Variants in ATRNL1 observed in about 807,000 individuals in gnomAD.
ATRNL1 encodes attractin like 1.
Under a neutral mutation model 182.7 loss-of-function variants are expected in ATRNL1, and 95 were observed. That is an observed-to-expected ratio of 0.52 (90% CI 0.44 to 0.62). The LOEUF (loss-of-function observed/expected upper bound fraction) is 0.62. Among genes scored for constraint, ATRNL1 ranks in the 20% least tolerant of loss-of-function variants. The pLI is 0.00. For synonymous variants in ATRNL1, 576 were observed against 568.3 expected, an observed-to-expected ratio of 1.01 and a Z score of -0.19; for missense variants, 1,471 against 1,679.5, an observed-to-expected ratio of 0.88 and a Z score of 2.17.
At chr10:115,144,018 C>T (rs1328470353) in intron 5 of ATRNL1, among the ~76,000 whole-genome samples, 1 of 150,038 alleles carries the variant, frequency 6.7e-6, no homozygotes, top group South Asian at 2.1e-4. Flanking sequence ...TCTTTCACTG[C>T]CGCCTGGGCT....
chr10:115,094,112 C>T, intron 1 of ATRNL1, 69 bp downstream of exon 1: 1 of 1,283,694 alleles, frequency 7.8e-7, no homozygotes, highest in African/African-American at 1.5e-5. Flanking sequence ...CCCCGCCCCC[C>T]TCGCGGCCTC....
chr10:115,096,383 C>G (rs993401679), intron 1 of ATRNL1, among the ~76,000 whole-genome samples: 4 of 152,096 alleles, frequency 2.6e-5, no homozygotes, highest in Non-Finnish European at 5.9e-5. Flanking sequence ...AAGAATTCTT[C>G]TTGGTAAAGT....
chr10:115,538,649 C>A (rs747652907), intron 25 of ATRNL1, among the ~76,000 whole-genome samples: 14 of 152,094 alleles, frequency 9.2e-5, no homozygotes, highest in Non-Finnish European at 1.8e-4. Context: ...TTTGAATTGT[C>A]TTTTCATTCT....
intron 19 of ATRNL1, among the ~76,000 whole-genome samples, chr10:115,358,705 T>C (rs1856609109): frequency 6.6e-6 from 1 of 151,700 alleles, no homozygotes; most frequent in South Asian, 2.1e-4. Context: ...GGTTAAGTCA[T>C]TAAGTGCTAG....
chr10:115,300,397 A>C, intron 16 of ATRNL1, 150 bp downstream of exon 16: 1 of 583,672 alleles, frequency 1.7e-6, no homozygotes. Context: ...TAGTGATCTC[A>C]GCATTAACTT....
chr10:115,357,662 T>G (rs1386873317), intron 19 of ATRNL1, among the ~76,000 whole-genome samples: 1 of 151,752 alleles, frequency 6.6e-6, no homozygotes, highest in Non-Finnish European at 1.5e-5. Context: ...CTATATCTTT[T>G]ATCTTACCTT....
intron 26 of ATRNL1, among the ~76,000 whole-genome samples, chr10:115,606,102 A>G (rs1275775850): frequency 3.3e-5 from 5 of 152,050 alleles, no homozygotes; most frequent in Non-Finnish European, 5.9e-5. Flanking sequence ...TTGTTCTGAA[A>G]TAAACTGAAA....
intron 9 of ATRNL1, among the ~76,000 whole-genome samples, chr10:115,219,517 A>G (rs1554896944): frequency 6.6e-6 from 1 of 152,204 alleles, no homozygotes; most frequent in African/African-American, 2.4e-5. Flanking sequence ...TTGTGCGTAT[A>G]TTGACAAAAA....
chr10:115,592,662 T>G (rs1217730635), intron 26 of ATRNL1, among the ~76,000 whole-genome samples: 1 of 152,214 alleles, frequency 6.6e-6, no homozygotes, highest in Non-Finnish European at 1.5e-5. Flanking sequence ...TCACTTGGTG[T>G]AATATTTTCA....
At chr10:115,369,379 G>A (rs542369634) in intron 19 of ATRNL1, among the ~76,000 whole-genome samples, 50 of 152,030 alleles carry the variant, frequency 3.3e-4, no homozygotes, top group African/African-American at 1.2e-3. Context: ...ATGGGATTCC[G>A]TGAGAGGGAT....
intron 26 of ATRNL1, among the ~76,000 whole-genome samples, chr10:115,587,935 A>C (rs138738434): frequency 6.6e-6 from 1 of 152,206 alleles, no homozygotes; most frequent in Non-Finnish European, 1.5e-5. Context: ...GAGTTTATTA[A>C]TTCAAATTAA....
chr10:115,515,001 T>A (rs781956329), intron 24 of ATRNL1, among the ~76,000 whole-genome samples: 48 of 152,046 alleles, frequency 3.2e-4, no homozygotes, highest in Non-Finnish European at 6.6e-4. Flanking sequence ...GAGATTTGAC[T>A]GGTTGCTTTT....
intron 24 of ATRNL1, among the ~76,000 whole-genome samples, chr10:115,470,905 A>G (rs1342567609): frequency 1.3e-5 from 2 of 150,820 alleles, no homozygotes; most frequent in Non-Finnish European, 3.0e-5. Context: ...AGACTAGAAT[A>G]AACTTTAAAT....
At chr10:115,591,079 C>T (rs1359587687) in intron 26 of ATRNL1, among the ~76,000 whole-genome samples, 1 of 152,172 alleles carries the variant, frequency 6.6e-6, no homozygotes, top group South Asian at 2.1e-4. Flanking sequence ...ACTGTACTAG[C>T]ACGTACAAGA....
chr10:115,400,502 A>G (rs1268036419), intron 20 of ATRNL1, among the ~76,000 whole-genome samples: 2 of 151,842 alleles, frequency 1.3e-5, no homozygotes, highest in South Asian at 2.1e-4. Flanking sequence ...ATCTTTGTTA[A>G]TTTTCTGTCT....
chr10:115,441,487 C>T lies in ATRNL1; in HGVS notation c.3322+15185C>T, dbSNP rs79461779. Among the ~76,000 whole-genome samples the T allele has an allele frequency of 8.5e-3, 1,298 of 151,934 alleles. 6 individuals carry two copies. Among genetic ancestry groups the T allele is most frequent in the Non-Finnish European group, 0.014 (941 of 67,820 alleles). Reference sequence around the variant, plus strand: ...TTCCTATCATACTTTCCAATTTTTCCTACTCTGTCACTGACTGCACCTTTT... The same window carrying T: ...TTCCTATCATACTTTCCAATTTTTCTTACTCTGTCACTGACTGCACCTTTT... On this transcript the variant is annotated intron_variant, in intron 21 of 28. Transcript: ENST00000355044.
intron 19 of ATRNL1, among the ~76,000 whole-genome samples, chr10:115,360,215 C>G (rs1554943830): frequency 6.6e-6 from 1 of 151,662 alleles, no homozygotes; most frequent in Non-Finnish European, 1.5e-5. Flanking sequence ...AAAGTTGTTA[C>G]ACATAATGTT....
At chr10:115,509,280 G>T (rs1203453696) in intron 24 of ATRNL1, among the ~76,000 whole-genome samples, 1 of 151,988 alleles carries the variant, frequency 6.6e-6, no homozygotes, top group East Asian at 1.9e-4. Context: ...TGATGTGTAA[G>T]GAGATTAATG....
At chr10:115,536,812 A>G (rs1554990570) in intron 25 of ATRNL1, among the ~76,000 whole-genome samples, 2 of 152,246 alleles carry the variant, frequency 1.3e-5, no homozygotes, top group Non-Finnish European at 2.9e-5. Context: ...TTGAAAGAGA[A>G]AAAAGAAGAA....
Sources: allele counts gnomAD v4.1 joint callset (sites outside exome capture counted in the v4.1 genomes callset), GRCh38; gene constraint gnomAD v4.1.1; transcripts MANE v1.5; gene names NCBI Gene and HGNC (gene_info 2026-07-23, HGNC 2026-07-21).